The following DLG2 variants were observed in gnomAD, a reference collection of about 807,000 sequenced individuals.
DLG2 encodes disks large homolog 2.
DLG2 carries 45 observed loss-of-function variants against 132.5 expected under a neutral mutation model. That is an observed-to-expected ratio of 0.34 (90% CI 0.27 to 0.44). The LOEUF is 0.44. Among genes scored for constraint, DLG2 ranks in the 20% least tolerant of loss-of-function variants. DLG2 has a pLI of 1.00. For synonymous variants in DLG2, 424 were observed against 419.6 expected, an observed-to-expected ratio of 1.01 and a Z score of -0.13; for missense variants, 1,045 against 1,196.9, an observed-to-expected ratio of 0.87 and a Z score of 1.87.
chr11:85,417,512 A>G (rs2089965155), intron 3 of DLG2, among the ~76,000 whole-genome samples: 1 of 152,184 alleles, frequency 6.6e-6, no homozygotes, highest in Admixed American at 6.6e-5. Flanking sequence ...TAGCTTCAGA[A>G]GGAATGACAC....
chr11:84,249,644 C>A (rs1037883000), intron 8 of DLG2, among the ~76,000 whole-genome samples: 2 of 152,132 alleles, frequency 1.3e-5, no homozygotes, highest in Non-Finnish European at 1.5e-5. Context: ...TAGGCATACA[C>A]TGTTACAGAA....
intron 8 of DLG2, among the ~76,000 whole-genome samples, chr11:84,232,537 C>A (rs1007515951): frequency 6.6e-6 from 1 of 152,130 alleles, no homozygotes; most frequent in African/African-American, 2.4e-5. Flanking sequence ...CAGATGGGGA[C>A]AATGGGAGAC....
Position 85,050,758 on chromosome 11 carries a change from C to T in DLG2, c.357+60903G>A, listed in dbSNP as rs564337358. Reference sequence around the variant, plus strand: ...ATATATTTTATGTCAAACTTGATTACCACTCAATTTCTATGTGGATTTCAA... The same window carrying T: ...ATATATTTTATGTCAAACTTGATTATCACTCAATTTCTATGTGGATTTCAA... On this transcript the variant is annotated intron_variant, in intron 6 of 27. Transcript: ENST00000376104. 2.0e-5 allele frequency among the ~76,000 whole-genome samples: 3 copies of T among 152,222 alleles called. No individual in the cohort carries two copies. The East Asian group carries it at 5.8e-4, about 29-fold the overall frequency.
At chr11:85,043,907 T>A (rs1331714549) in intron 6 of DLG2, among the ~76,000 whole-genome samples, 1 of 151,976 alleles carries the variant, frequency 6.6e-6, no homozygotes, top group Non-Finnish European at 1.5e-5. Flanking sequence ...ACCAATTTTA[T>A]ATATACTTAT....
At position 83,857,111 on chromosome 11, in the gene DLG2, T is replaced by G. The variant is rs960056918; in HGVS notation, c.1565+17309A>C. On this transcript the variant is annotated intron_variant, in intron 16 of 27. Transcript: ENST00000376104. The stretch of plus-strand genomic sequence containing the variant: ...TTCCCCATTGCTTATTTTTGTCAGG[T>G]TTGTCAAAATCATATAGTTGCAGAT... Among the ~76,000 whole-genome samples the G allele has an allele frequency of 3.9e-4, 60 of 152,306 alleles. 1 individual carries two copies. The highest frequency in any genetic ancestry group is 1.4e-3 in the African/African-American group (60 of 41,578).
At chr11:85,031,181 G>C (rs1475125686) in intron 6 of DLG2, among the ~76,000 whole-genome samples, 1 of 151,604 alleles carries the variant, frequency 6.6e-6, no homozygotes, top group Non-Finnish European at 1.5e-5. Flanking sequence ...GTTTTGTTTT[G>C]CTTCTGTGAG....
intron 16 of DLG2, among the ~76,000 whole-genome samples, chr11:83,861,207 A>G (rs887417337): frequency 1.3e-5 from 2 of 152,212 alleles, no homozygotes; most frequent in South Asian, 2.1e-4. Flanking sequence ...CAAAATGGCT[A>G]TATCCAAATG....
At chr11:85,025,905 T>TCTA (rs1351521155) in intron 6 of DLG2, among the ~76,000 whole-genome samples, 1 of 151,890 alleles carries the variant, frequency 6.6e-6, no homozygotes, top group Non-Finnish European at 1.5e-5. Context: ...ATGTTTTAGA[T>TCTA]ACACATGATT....
intron 16 of DLG2, among the ~76,000 whole-genome samples, chr11:83,841,605 A>G (rs1427017100): frequency 6.6e-6 from 1 of 152,218 alleles, no homozygotes; most frequent in Admixed American, 6.5e-5. Flanking sequence ...AGACCCATAC[A>G]AAACGACATA....
intron 6 of DLG2, among the ~76,000 whole-genome samples, chr11:84,991,523 A>AAAAGAAAG (rs148918946): frequency 1.6e-4 from 19 of 116,308 alleles, no homozygotes; most frequent in South Asian, 8.0e-4. Context: ...AAAAAAAAAA[A>AAAAGAAAG]AAAGAAAGAA....
intron 3 of DLG2, among the ~76,000 whole-genome samples, chr11:85,564,109 A>G (rs1248338259): frequency 1.3e-5 from 2 of 152,016 alleles, no homozygotes; most frequent in African/African-American, 4.8e-5. Flanking sequence ...AGTTTTTTCC[A>G]TTATTACATG....
intron 6 of DLG2, among the ~76,000 whole-genome samples, chr11:84,537,188 C>A (rs903721775): frequency 6.6e-6 from 1 of 152,150 alleles, no homozygotes; most frequent in African/African-American, 2.4e-5. Context: ...CTCACTGCAA[C>A]CTCTGCTTCC....
intron 6 of DLG2, among the ~76,000 whole-genome samples, chr11:84,594,347 T>TC (rs778643273): frequency 5.9e-5 from 9 of 152,220 alleles, no homozygotes; most frequent in Non-Finnish European, 1.3e-4. Context: ...TAACATTCAT[T>TC]CATGCCTCAA....
At chr11:84,172,791 C>T (rs1394200085) in intron 8 of DLG2, among the ~76,000 whole-genome samples, 1 of 152,096 alleles carries the variant, frequency 6.6e-6, no homozygotes, top group Non-Finnish European at 1.5e-5. Context: ...ATCCAACCGC[C>T]TTGGCCTCCC....
chr11:84,555,430 T>G (rs1406280161), intron 6 of DLG2, among the ~76,000 whole-genome samples: 1 of 147,942 alleles, frequency 6.8e-6, no homozygotes, highest in East Asian at 1.9e-4. Context: ...AAAATGTGGT[T>G]AGAAATATCC....
At chr11:83,594,865 G>T (rs1269410765) in intron 19 of DLG2, among the ~76,000 whole-genome samples, 1 of 152,204 alleles carries the variant, frequency 6.6e-6, no homozygotes, top group Non-Finnish European at 1.5e-5. Flanking sequence ...ATTTTAGGAA[G>T]AAATAGAATA....
At chr11:84,748,229 C>T (rs752574479) in intron 6 of DLG2, among the ~76,000 whole-genome samples, 20 of 152,134 alleles carry the variant, frequency 1.3e-4, no homozygotes, top group Non-Finnish European at 2.4e-4. Context: ...AGATTCTCTA[C>T]AAAAATCTGC....
At chr11:84,958,268 T>G (rs189938486) in intron 6 of DLG2, among the ~76,000 whole-genome samples, 62 of 152,082 alleles carry the variant, frequency 4.1e-4, no homozygotes, top group Middle Eastern at 6.8e-3. Context: ...AAGCCCAAGT[T>G]TTTTAGCCAA....
intron 7 of DLG2, among the ~76,000 whole-genome samples, chr11:84,298,307 A>G (rs1159965837): frequency 2.0e-5 from 3 of 152,210 alleles, no homozygotes; most frequent in African/African-American, 7.2e-5. Flanking sequence ...ATACCTTGAT[A>G]TAAGGTATAT....
Sources: gnomAD v4.1 joint callset for allele counts (sites outside exome capture counted in the v4.1 genomes callset) on GRCh38, gnomAD v4.1.1 for gene constraint, MANE v1.5 for transcripts, NCBI Gene and HGNC (gene_info 2026-07-23, HGNC 2026-07-21) for gene names.